The following SVOPL variants were observed in gnomAD, a reference collection of about 807,000 sequenced individuals.
The protein encoded by SVOPL is putative transporter SVOPL.
SVOPL carries 60 observed loss-of-function variants against 61.0 expected under a neutral mutation model. The observed-to-expected ratio is 0.98, with a 90% CI of 0.80 to 1.22. The LOEUF (loss-of-function observed/expected upper bound fraction) is 1.22. Among genes scored for constraint, SVOPL ranks in the 50% most tolerant of loss-of-function variants. The pLI is 0.00. For synonymous variants in SVOPL, 279 were observed against 250.0 expected (o/e 1.12, Z -1.09); for missense variants, 662 against 643.9 (o/e 1.03, Z -0.30).
At chr7:138,647,275 G>A (rs1452464618) in intron 8 of SVOPL, among the ~76,000 whole-genome samples, 1 of 152,092 alleles carries the variant, frequency 6.6e-6, no homozygotes, top group Non-Finnish European at 1.5e-5. Context: ...CAGCTACTCT[G>A]GAGGCTGAGG....
chr7:138,663,654 C>T (rs1042969799), intron 4 of SVOPL: 65 of 946,134 alleles, frequency 6.9e-5, no homozygotes, highest in Non-Finnish European at 1.3e-5. Flanking sequence ...TCACAATGGC[C>T]TGTCCTCCCC....
At position 138,691,919 on chromosome 7, in the gene SVOPL, G is replaced by C. The variant is rs192163868; in HGVS notation, c.-35+9259C>G. ...CTCTGTCTCTGCCTCCCAGTTTCCA[G>C]GGATTCTCCTGCCTCAGACTCCTGA... On this transcript the variant is annotated intron_variant, in intron 1 of 15. Coordinates refer to ENST00000674285, the MANE Select transcript of SVOPL (RefSeq NM_001139456.2). Among the ~76,000 whole-genome samples, 458 of 151,846 alleles carry C rather than the reference G, an allele frequency of 3.0e-3. 4 individuals are homozygous for C. Among genetic ancestry groups the C allele is most frequent in the African/African-American group, 0.01 (418 of 41,372 alleles).
intron 14 of SVOPL, among the ~76,000 whole-genome samples, chr7:138,616,121 C>G (rs117600276): frequency 0.046 from 7,050 of 152,314 alleles, 209 homozygotes; most frequent in Middle Eastern, 0.11. Flanking sequence ...GGTGCCCGAT[C>G]TTGAACTTCA....
chr7:138,660,212 T>A, intron 5 of SVOPL: 2 of 1,280,632 alleles, frequency 1.6e-6, no homozygotes, highest in Non-Finnish European at 2.0e-6. Context: ...TCTTTAAAAC[T>A]ACCATGCTGT....
At chr7:138,636,052 G>A (rs958144256) in intron 9 of SVOPL, among the ~76,000 whole-genome samples, 1 of 151,992 alleles carries the variant, frequency 6.6e-6, no homozygotes, top group Non-Finnish European at 1.5e-5. Context: ...CCAAGCAGCT[G>A]GGAGTAGCTG....
chr7:138,686,514 G>A (rs1021139736), intron 1 of SVOPL, among the ~76,000 whole-genome samples: 2 of 150,584 alleles, frequency 1.3e-5, no homozygotes, highest in African/African-American at 2.4e-5. Flanking sequence ...GGAGGCTTCA[G>A]AGGAGGATCT....
At chr7:138,685,796 C>T (rs1802796286) in intron 1 of SVOPL, among the ~76,000 whole-genome samples, 1 of 151,796 alleles carries the variant, frequency 6.6e-6, no homozygotes, top group Non-Finnish European at 1.5e-5. Context: ...CACTTAAACC[C>T]AGGAGGCAGA....
At position 138,674,890 on chromosome 7, in the gene SVOPL, A is replaced by T. The variant is rs6956401; in HGVS notation, c.175-2773T>A. 7.3e-3 allele frequency among the ~76,000 whole-genome samples: 1,112 copies of T among 151,472 alleles called. 23 individuals are homozygous for T. The highest frequency in any genetic ancestry group is 0.025 in the African/African-American group (1,043 of 41,284). On this transcript the variant is annotated intron_variant, in intron 3 of 15. Transcript: ENST00000674285. ...AAAAAAAGATACTTGAAGACCAGAG[A>T]TCATTTCACTTCCTTGAGATGTTCT...
intron 14 of SVOPL, among the ~76,000 whole-genome samples, chr7:138,599,257 AAC>A (rs1316619055): frequency 6.6e-6 from 1 of 152,204 alleles, no homozygotes; most frequent in East Asian, 1.9e-4. Context: ...TGAAAGAATT[AAC>A]ACATAAAAAA....
chr7:138,633,690 G>A lies in SVOPL; in HGVS notation c.790-3568C>T, dbSNP rs567496397. Among the ~76,000 whole-genome samples, 10 of 149,666 alleles carry A rather than the reference G, an allele frequency of 6.7e-5. No homozygotes were observed. The East Asian group carries it at 7.8e-4, about 12-fold the overall frequency. ...GTTTTGAGATACATATAATAATGGC[G>A]GTAACACTCCACAGAAGAAAGTGAG... On this transcript the variant is annotated intron_variant, in intron 9 of 15. Coordinates refer to ENST00000674285, the MANE Select transcript of SVOPL (RefSeq NM_001139456.2).
At chr7:138,627,494 A>G (rs13241735) in intron 11 of SVOPL, 33 bp from the exon 12 acceptor site, 2 of 1,548,742 alleles carry the variant, frequency 1.3e-6, no homozygotes, top group Non-Finnish European at 1.8e-6. Flanking sequence ...AATTTCTGGA[A>G]CCTTGGAAGG....
chr7:138,638,016 G>A (rs551455546), intron 9 of SVOPL, among the ~76,000 whole-genome samples: 51 of 152,144 alleles, frequency 3.4e-4, no homozygotes, highest in African/African-American at 1.2e-3. Context: ...GCTCACACCT[G>A]TAATCTCAGC....
At chr7:138,636,683 C>CTG (rs1186076642) in intron 9 of SVOPL, among the ~76,000 whole-genome samples, 5 of 152,028 alleles carry the variant, frequency 3.3e-5, no homozygotes, top group Non-Finnish European at 7.4e-5. Flanking sequence ...GTTGGCCAGG[C>CTG]TGGTCTCGAA....
intron 13 of SVOPL, among the ~76,000 whole-genome samples, chr7:138,623,780 G>A (rs1799777572): frequency 1.3e-5 from 2 of 151,928 alleles, no homozygotes; most frequent in South Asian, 2.1e-4. Context: ...TTTTAATTAT[G>A]CAAAATTATT....
chr7:138,663,249 T>A (rs1802081147), intron 4 of SVOPL, 104 bp from the exon 5 acceptor site: 5 of 1,534,438 alleles, frequency 3.3e-6, no homozygotes, highest in Non-Finnish European at 3.5e-6. Flanking sequence ...ACGGGAGGGA[T>A]GGAAGTTAAT....
At chr7:138,681,281 C>CA (rs926633392) in intron 1 of SVOPL, among the ~76,000 whole-genome samples, 36 of 146,892 alleles carry the variant, frequency 2.5e-4, no homozygotes, top group African/African-American at 8.7e-4. Flanking sequence ...CTTTAGGTGA[C>CA]AAATTTTGAA....
intron 9 of SVOPL, among the ~76,000 whole-genome samples, chr7:138,639,360 C>T (rs1425769416): frequency 6.6e-6 from 1 of 152,074 alleles, no homozygotes; most frequent in Non-Finnish European, 1.5e-5. Context: ...GGCACAGTGG[C>T]TCATGCCTGT....
intron 14 of SVOPL, among the ~76,000 whole-genome samples, chr7:138,614,571 T>C (rs1799202140): frequency 6.6e-6 from 1 of 151,972 alleles, no homozygotes; most frequent in African/African-American, 2.4e-5. Flanking sequence ...AATTTTTGTA[T>C]TTTTAGTAGA....
chr7:138,630,176 G>T (rs572049845), intron 9 of SVOPL, 54 bp from the exon 10 acceptor site: 70 of 1,434,236 alleles, frequency 4.9e-5, no homozygotes, highest in Non-Finnish European at 6.6e-5. Flanking sequence ...GATGAACGGA[G>T]ATGTTTCCAC....
Sources: gnomAD v4.1 joint callset for allele counts (sites outside exome capture counted in the v4.1 genomes callset) on GRCh38, gnomAD v4.1.1 for gene constraint, MANE v1.5 for transcripts, NCBI Gene and HGNC (gene_info 2026-07-23, HGNC 2026-07-21) for gene names.